The following CRTC1 variants were observed in gnomAD, a reference collection of about 807,000 sequenced individuals.
CRTC1 encodes the protein CREB regulated transcription coactivator 1, also known as CREB-regulated transcription coactivator 1.
A neutral mutation model predicts 66.1 loss-of-function variants in CRTC1; 18 were observed. The observed-to-expected ratio is 0.27, with a 90% confidence interval of 0.19 to 0.40. The LOEUF (loss-of-function observed/expected upper bound fraction) is 0.40, where lower values mean the gene tolerates loss of function less well. CRTC1 is among the 10% of genes least tolerant of loss of function. CRTC1 has a pLI of 1.00. For synonymous variants in CRTC1, 416 were observed against 398.8 expected, an observed-to-expected ratio of 1.04 and a Z score of -0.51; for missense variants, 669 against 887.9, an observed-to-expected ratio of 0.75 and a Z score of 3.13.
At chr19:18,770,831 T>C (rs564518204) in intron 10 of CRTC1, among the ~76,000 whole-genome samples, 3 of 150,148 alleles carry the variant, frequency 2.0e-5, no homozygotes, top group African/African-American at 7.3e-5. Context: ...TGTGTCCATG[T>C]GGGTGTGGGT....
At chr19:18,731,335 C>T (rs892689411) in intron 1 of CRTC1, among the ~76,000 whole-genome samples, 4 of 152,182 alleles carry the variant, frequency 2.6e-5, no homozygotes, top group East Asian at 1.9e-4. Flanking sequence ...CAGCGATCCT[C>T]GGCAGGCTCT....
At chr19:18,701,492 C>G (rs552126394) in intron 1 of CRTC1, among the ~76,000 whole-genome samples, 1 of 152,286 alleles carries the variant, frequency 6.6e-6, no homozygotes, top group Non-Finnish European at 1.5e-5. Context: ...CCTTGTTCAC[C>G]TCTGTGCCTT....
At chr19:18,769,405 C>T (rs905273156) in intron 10 of CRTC1, among the ~76,000 whole-genome samples, 2 of 152,250 alleles carry the variant, frequency 1.3e-5, no homozygotes, top group Non-Finnish European at 2.9e-5. Context: ...TGCATTGGGC[C>T]ACATCCAGGG....
chr19:18,750,092 C>T (rs972363035), intron 5 of CRTC1, among the ~76,000 whole-genome samples: 8 of 152,222 alleles, frequency 5.3e-5, no homozygotes, highest in African/African-American at 1.9e-4. Context: ...GCAGAGAAAA[C>T]AACCCTGCAG....
At chr19:18,742,482 C>T (rs746610438) in intron 1 of CRTC1, among the ~76,000 whole-genome samples, 20 of 152,216 alleles carry the variant, frequency 1.3e-4, no homozygotes, top group Non-Finnish European at 2.5e-4. Context: ...CAGCTTCCTC[C>T]GATTCAGGCC....
Position 18,683,714 on chromosome 19 carries a change from G to A in CRTC1, c.12G>A (p.Ser4=). 1.4e-6 allele frequency: 2 copies of A among 1,405,518 alleles called. No homozygotes were observed. The highest frequency in any genetic ancestry group is 3.3e-5 in the East Asian group (1 of 30,684). 87.1% of individuals were successfully genotyped at this position (1,405,518 alleles called of 1,614,324 possible). A position where few individuals can be genotyped will look rare whatever the true frequency, so the allele number is the denominator to read the frequency against. MAT[S]NNPRKFSEKI... Reference sequence around the variant, plus strand: ...GTGGCGGCGAGAAGATGGCGACTTCGAACAATCCGCGGAAATTCAGCGAGA... The same window carrying A: ...GTGGCGGCGAGAAGATGGCGACTTCAAACAATCCGCGGAAATTCAGCGAGA... Residue 4 remains serine, a synonymous_variant, in exon 1 of 14, where the codon TCG becomes TCA. Transcript: ENST00000321949.
intron 1 of CRTC1, among the ~76,000 whole-genome samples, chr19:18,710,476 A>G (rs1290948978): frequency 3.9e-5 from 6 of 152,126 alleles, no homozygotes; most frequent in Admixed American, 6.5e-5. Flanking sequence ...GCCAGGAGCC[A>G]GTGTGAGTCG....
intron 1 of CRTC1, among the ~76,000 whole-genome samples, chr19:18,698,981 C>T (rs1464130340): frequency 6.6e-6 from 1 of 150,736 alleles, no homozygotes; most frequent in Non-Finnish European, 1.5e-5. Context: ...ACTCAGCAGG[C>T]GTACCGTGTG....
intron 1 of CRTC1, among the ~76,000 whole-genome samples, chr19:18,700,959 C>A (rs999261214): frequency 1.6e-4 from 25 of 152,360 alleles, no homozygotes; most frequent in African/African-American, 5.5e-4. Flanking sequence ...TGCGGGGATC[C>A]CTTCGGTCCT....
At chr19:18,728,497 G>T (rs1339606017) in intron 1 of CRTC1, among the ~76,000 whole-genome samples, 1 of 152,058 alleles carries the variant, frequency 6.6e-6, no homozygotes, top group African/African-American at 2.4e-5. Flanking sequence ...AGTTCTCCGT[G>T]CCTTATCCTC....
intron 1 of CRTC1, among the ~76,000 whole-genome samples, chr19:18,697,734 A>G (rs762048448): frequency 2.0e-5 from 3 of 152,238 alleles, no homozygotes; most frequent in Admixed American, 1.3e-4. Context: ...GGGGCCTGGC[A>G]TAGATACTCA....
intron 1 of CRTC1, among the ~76,000 whole-genome samples, chr19:18,739,268 C>T (rs2054062904): frequency 6.6e-6 from 1 of 152,232 alleles, no homozygotes; most frequent in South Asian, 2.1e-4. Context: ...CTGTGTAGGG[C>T]AGGCTGGAGC....
intron 1 of CRTC1, among the ~76,000 whole-genome samples, chr19:18,722,327 A>G (rs1384707413): frequency 6.6e-6 from 1 of 152,178 alleles, no homozygotes; most frequent in Non-Finnish European, 1.5e-5. Context: ...GGGGGAGTGG[A>G]TTGGAGAGTA....
chr19:18,782,088 C>T lies in CRTC1; in HGVS notation c.*4706C>T, dbSNP rs1233054094. 2.7e-5 allele frequency: 6 copies of T among 224,664 alleles called. No homozygotes were observed. In the East Asian group the frequency reaches 3.2e-4, roughly 12 times the overall value. 13.9% of individuals were successfully genotyped at this position (224,664 alleles called of 1,614,324 possible). ...GTGGCCCCACTGATATATGCAAACCCGCCGGTCCGAGCCCTGTTCCTGCCT... is the reference window on the plus strand; with the variant it reads ...GTGGCCCCACTGATATATGCAAACCTGCCGGTCCGAGCCCTGTTCCTGCCT... On this transcript the variant is annotated 3_prime_UTR_variant, in exon 14 of 14. Transcript: ENST00000321949.
At chr19:18,691,044 A>G (rs1415888669) in intron 1 of CRTC1, among the ~76,000 whole-genome samples, 1 of 150,986 alleles carries the variant, frequency 6.6e-6, no homozygotes, top group Non-Finnish European at 1.5e-5. Flanking sequence ...AAAAAAAAAA[A>G]AAGAAGAGTG....
chr19:18,742,087 A>C (rs1162023381), intron 1 of CRTC1, among the ~76,000 whole-genome samples: 1 of 152,034 alleles, frequency 6.6e-6, no homozygotes, highest in Non-Finnish European at 1.5e-5. Context: ...GGCATCATGG[A>C]CCAGCATCCC....
chr19:18,699,470 T>C lies in CRTC1; in HGVS notation c.126+15642T>C, dbSNP rs1371924088. On this transcript the variant is annotated intron_variant, in intron 1 of 13. Transcript: ENST00000321949. ...GATGGTGCCCACCCAGCCCTCTGAG[T>C]GCCTGAACAAGAAGCACTGGGGTGG... Among the ~76,000 whole-genome samples the C allele has an allele frequency of 5.9e-5, 9 of 152,090 alleles. No homozygotes were observed. The East Asian group carries it at 1.2e-3, about 20-fold the overall frequency.
chr19:18,770,567 G>T (rs1231836389), intron 10 of CRTC1, among the ~76,000 whole-genome samples: 1 of 152,114 alleles, frequency 6.6e-6, no homozygotes, highest in African/African-American at 2.4e-5. Context: ...GCCCATGGCG[G>T]TGTGTGTGTG....
At chr19:18,711,638 T>G (rs901627971) in intron 1 of CRTC1, among the ~76,000 whole-genome samples, 2 of 152,234 alleles carry the variant, frequency 1.3e-5, no homozygotes, top group African/African-American at 2.4e-5. Flanking sequence ...CCTGAGGGCC[T>G]CTGGGCTGTA....
Sources: allele counts gnomAD v4.1 joint callset (sites outside exome capture counted in the v4.1 genomes callset), GRCh38; gene constraint gnomAD v4.1.1; transcripts MANE v1.5; gene names NCBI Gene and HGNC (gene_info 2026-07-23, HGNC 2026-07-21).